FIP1L1: variants seen among roughly 807,000 people sequenced by gnomAD.
FIP1L1 encodes the protein factor interacting with PAPOLA and CPSF1.
Under a neutral mutation model 84.6 loss-of-function variants are expected in FIP1L1, and 21 were observed. The ratio of observed to expected loss-of-function variants is 0.25; its 90% CI spans 0.18 to 0.36. FIP1L1 has a LOEUF of 0.36. Ranked by LOEUF, FIP1L1 falls within the 10% of genes least tolerant of loss-of-function variation. The pLI is 1.00. For missense variants in FIP1L1, 526 were observed against 751.1 expected (o/e 0.70, Z 3.50); for synonymous variants, 263 against 242.3 (o/e 1.09, Z -0.80).
At chr4:53,424,201 A>G (rs558859012) in intron 11 of FIP1L1, among the ~76,000 whole-genome samples, 13 of 152,300 alleles carry the variant, frequency 8.5e-5, no homozygotes, top group Admixed American at 8.5e-4. Context: ...ATTAACAGAG[A>G]GGAAATTACA....
rs777858873 is a variant in FIP1L1 at position 53,453,026 on chromosome 4, GAGAGAC to G, written c.1404_1409del (p.Asp468_Arg469del). 1.2e-5 allele frequency: 20 copies of G among 1,613,066 alleles called. No homozygotes were observed. The highest frequency in any genetic ancestry group is 1.4e-5 in the Non-Finnish European group (17 of 1,179,234). ...GAAGAGAGAAAGACCGAGATAGAGA[GAGAGAC>G]AGAGACAGAGAGCGAGACCGTGATC... On this transcript the variant is annotated inframe_deletion, in exon 16 of 18. Transcript: ENST00000337488.
At chr4:53,381,494 G>C (rs1279411857) in intron 3 of FIP1L1, among the ~76,000 whole-genome samples, 1 of 152,122 alleles carries the variant, frequency 6.6e-6, no homozygotes, top group Non-Finnish European at 1.5e-5. Context: ...TAAATGTACT[G>C]AACAATTATA....
At chr4:53,455,763 T>G (rs1412526670) in intron 16 of FIP1L1, among the ~76,000 whole-genome samples, 2 of 152,144 alleles carry the variant, frequency 1.3e-5, no homozygotes, top group Non-Finnish European at 2.9e-5. Context: ...CCTCTCATAT[T>G]GTCAAGCTGT....
At chr4:53,386,788 C>G (rs1266453229) in intron 5 of FIP1L1, among the ~76,000 whole-genome samples, 5 of 152,132 alleles carry the variant, frequency 3.3e-5, no homozygotes, top group Non-Finnish European at 7.3e-5. Flanking sequence ...ACCTTGCAAG[C>G]TTGTCCAATG....
intron 9 of FIP1L1, among the ~76,000 whole-genome samples, chr4:53,396,100 G>C (rs1479647605): frequency 6.6e-6 from 1 of 151,948 alleles, no homozygotes; most frequent in Non-Finnish European, 1.5e-5. Context: ...TGTATTTTTA[G>C]TAGAGACAGG....
rs1764128615 is a variant in FIP1L1, at chr4:53,425,857, A to G, written c.924-15A>G. 4 of 1,583,654 alleles carry G rather than the reference A, an allele frequency of 2.5e-6. No homozygotes were observed. Among genetic ancestry groups the G allele is most frequent in the Admixed American group, 1.7e-5 (1 of 58,632 alleles). ...AATTAGGTGAAACTGAATTGATTCA[A>G]TTTTTATGTTACAGGAGATTACCTG... is the stretch of plus-strand genomic sequence containing the variant. On this transcript the variant is annotated splice_polypyrimidine_tract_variant and intron_variant, in intron 11 of 17. Coordinates refer to ENST00000337488, the MANE Select transcript of FIP1L1 (RefSeq NM_030917.4).
intron 13 of FIP1L1, among the ~76,000 whole-genome samples, chr4:53,438,014 C>T (rs557261503): frequency 4.9e-4 from 75 of 152,162 alleles, no homozygotes; most frequent in African/African-American, 1.7e-3. Flanking sequence ...TGTGAGCCAC[C>T]GCGCCCGGCC....
intron 10 of FIP1L1, among the ~76,000 whole-genome samples, chr4:53,405,067 A>T (rs1158552028): frequency 6.6e-6 from 1 of 152,094 alleles, no homozygotes; most frequent in East Asian, 1.9e-4. Context: ...GGTGTTTTAG[A>T]CATGAAGTCC....
intron 13 of FIP1L1, among the ~76,000 whole-genome samples, chr4:53,431,523 T>A (rs1219419021): frequency 6.6e-6 from 1 of 152,230 alleles, no homozygotes; most frequent in Non-Finnish European, 1.5e-5. Flanking sequence ...ATTAGACTTC[T>A]AATGTTTTTA....
intron 16 of FIP1L1, among the ~76,000 whole-genome samples, chr4:53,453,518 G>C (rs560614906): frequency 2.6e-4 from 40 of 152,072 alleles, no homozygotes; most frequent in Non-Finnish European, 4.9e-4. Flanking sequence ...TTGTCATCCA[G>C]GCTGGCTGGA....
Position 53,414,649 on chromosome 4 carries a change from G to A in FIP1L1, c.850G>A (p.Ala284Thr). 1.9e-6 allele frequency: 3 copies of A among 1,613,234 alleles called. No homozygotes were observed. The highest frequency in any genetic ancestry group is 2.5e-6 in the Non-Finnish European group (3 of 1,179,462). The change falls in exon 11 of 18, where the codon GCC becomes ACC. Residue 284 changes from alanine to threonine, a missense_variant. Ala to Thr is a moderately conservative substitution (Grantham distance 58). Around this residue, in one of 6 missense-constraint regions of FIP1L1, gnomAD observed 80 missense variants for 151.1 expected, o/e 0.53. Transcript: ENST00000337488. The stretch of plus-strand genomic sequence containing the variant: ...TTCTTCTCAGTCTCAGACAAGTACT[G>A]CCTCCAGAAAAGCCAATTCAAGCGT... ...STSSQSQTST[A>T]SRKANSSVGK...
intron 13 of FIP1L1, among the ~76,000 whole-genome samples, chr4:53,438,140 T>C (rs1186207189): frequency 6.6e-6 from 1 of 152,188 alleles, no homozygotes; most frequent in Admixed American, 6.5e-5. Context: ...ACATACAGCT[T>C]TCCAGGAAAA....
At chr4:53,387,084 G>A (rs183859754) in intron 5 of FIP1L1, among the ~76,000 whole-genome samples, 1 of 152,242 alleles carries the variant, frequency 6.6e-6, no homozygotes, top group Non-Finnish European at 1.5e-5. Context: ...TAGATGTGAA[G>A]TAGTTGTCCA....
At chr4:53,410,479 T>C (rs1327819883) in intron 10 of FIP1L1, among the ~76,000 whole-genome samples, 1 of 152,204 alleles carries the variant, frequency 6.6e-6, no homozygotes, top group African/African-American at 2.4e-5. Context: ...GTATGCTCAT[T>C]AGCAATTCCT....
At chr4:53,392,758 T>C (rs1744938708) in intron 9 of FIP1L1, among the ~76,000 whole-genome samples, 1 of 152,216 alleles carries the variant, frequency 6.6e-6, no homozygotes, top group Admixed American at 6.5e-5. Context: ...TCATTGAAGG[T>C]AGCCGTTATG....
At chr4:53,405,513 A>C (rs1342113507) in intron 10 of FIP1L1, among the ~76,000 whole-genome samples, 1 of 150,984 alleles carries the variant, frequency 6.6e-6, no homozygotes, top group Non-Finnish European at 1.5e-5. Flanking sequence ...TTCCATATGA[A>C]CTTTAAAGTA....
intron 11 of FIP1L1, among the ~76,000 whole-genome samples, chr4:53,420,979 T>C (rs1762174773): frequency 6.6e-6 from 1 of 152,188 alleles, no homozygotes; most frequent in Non-Finnish European, 1.5e-5. Context: ...ACTTTGACCA[T>C]ATTGGAATTA....
intron 3 of FIP1L1, among the ~76,000 whole-genome samples, chr4:53,379,569 A>G (rs1014952023): frequency 8.5e-5 from 13 of 152,240 alleles, no homozygotes; most frequent in African/African-American, 3.1e-4. Context: ...TCGTTAAGCT[A>G]CTGATAAAAA....
intron 10 of FIP1L1, among the ~76,000 whole-genome samples, chr4:53,413,639 G>T (rs1578568986): frequency 6.6e-6 from 1 of 152,134 alleles, no homozygotes; most frequent in East Asian, 1.9e-4. Context: ...TTTGTTTACA[G>T]TTTTTTCTTT....
Sources: gnomAD v4.1 joint callset for allele counts (sites outside exome capture counted in the v4.1 genomes callset) on GRCh38, gnomAD v4.1.1 for gene constraint, gnomAD v4.1.1 regional missense constraint, MANE v1.5 for transcripts, NCBI Gene and HGNC (gene_info 2026-07-23, HGNC 2026-07-21) for gene names.